CACNG3: variants seen among roughly 807,000 people sequenced by gnomAD.
The protein encoded by CACNG3 is voltage-dependent calcium channel gamma-3 subunit.
In CACNG3, 3 loss-of-function variants were observed where a neutral mutation model predicts 28.5. The observed-to-expected ratio is 0.11, with a 90% confidence interval of 0.05 to 0.27. The LOEUF is 0.27. Among genes scored for constraint, CACNG3 ranks in the 10% least tolerant of loss-of-function variants. The pLI is 1.00. For missense variants in CACNG3, 236 were observed against 414.4 expected (o/e 0.57, Z 3.74); for synonymous variants, 174 against 162.2 (o/e 1.07, Z -0.55).
intron 3 of CACNG3, 47 bp downstream of exon 3, chr16:24,355,020 A>G (rs768694170): frequency 1.3e-6 from 2 of 1,581,582 alleles, no homozygotes; most frequent in Admixed American, 3.4e-5. Context: ...TACCAAACTG[A>G]AGCCAGGGCC....
At chr16:24,318,575 A>G (rs1305862850) in intron 1 of CACNG3, among the ~76,000 whole-genome samples, 2 of 152,170 alleles carry the variant, frequency 1.3e-5, no homozygotes, top group African/African-American at 2.4e-5. Context: ...CTTCCAGCCA[A>G]AACAAGCTAC....
intron 1 of CACNG3, among the ~76,000 whole-genome samples, chr16:24,257,951 A>C (rs1401879859): frequency 2.6e-5 from 4 of 152,232 alleles, no homozygotes; most frequent in African/African-American, 9.6e-5. Flanking sequence ...AAAGATAAGG[A>C]AGAAAATCAA....
intron 1 of CACNG3, among the ~76,000 whole-genome samples, chr16:24,272,648 A>G (rs963228851): frequency 3.3e-5 from 5 of 152,184 alleles, no homozygotes; most frequent in Non-Finnish European, 7.3e-5. Flanking sequence ...AAGACATTTA[A>G]TCATGCACGT....
chr16:24,353,390 C>T (rs1199430346), intron 2 of CACNG3, among the ~76,000 whole-genome samples: 1 of 152,210 alleles, frequency 6.6e-6, no homozygotes, highest in African/African-American at 2.4e-5. Flanking sequence ...CTTGGTAAAC[C>T]AATGAGCACA....
At chr16:24,324,758 T>C (rs1899517521) in intron 1 of CACNG3, among the ~76,000 whole-genome samples, 1 of 152,188 alleles carries the variant, frequency 6.6e-6, no homozygotes, top group African/African-American at 2.4e-5. Context: ...CTTCTCCCTC[T>C]ACTCTGCTGT....
At chr16:24,353,862 G>T (rs1370690431) in intron 2 of CACNG3, among the ~76,000 whole-genome samples, 1 of 152,182 alleles carries the variant, frequency 6.6e-6, no homozygotes, top group East Asian at 1.9e-4. Flanking sequence ...TACAGGGCTG[G>T]CTGCGTCATT....
intron 1 of CACNG3, among the ~76,000 whole-genome samples, chr16:24,295,079 C>G (rs1899014240): frequency 6.6e-6 from 1 of 152,128 alleles, no homozygotes; most frequent in South Asian, 2.1e-4. Context: ...TCAGGAGGGT[C>G]CCTCAGAGAC....
chr16:24,266,067 A>G (rs1290565022), intron 1 of CACNG3, among the ~76,000 whole-genome samples: 1 of 152,178 alleles, frequency 6.6e-6, no homozygotes, highest in Non-Finnish European at 1.5e-5. Context: ...TCTTTCCCAG[A>G]GAATTCTCAC....
At chr16:24,278,691 A>T (rs553384303) in intron 1 of CACNG3, among the ~76,000 whole-genome samples, 1 of 152,296 alleles carries the variant, frequency 6.6e-6, no homozygotes, top group South Asian at 2.1e-4. Flanking sequence ...ATGCTAAATA[A>T]CTTACACGAT....
At chr16:24,330,819 G>A (rs1265765786) in intron 1 of CACNG3, among the ~76,000 whole-genome samples, 1 of 152,172 alleles carries the variant, frequency 6.6e-6, no homozygotes, top group Non-Finnish European at 1.5e-5. Context: ...TTGAATGCCT[G>A]CCAAGGTAGG....
In CACNG3 at chr16:24,327,455, TACAC is replaced by T. The variant is rs751581514; in HGVS notation, c.212-19259_212-19256del. Among the ~76,000 whole-genome samples the T allele has an allele frequency of 3.2e-3, 291 of 91,376 alleles. 2 individuals carry two copies. The highest frequency in any genetic ancestry group is 0.021 in the East Asian group (51 of 2,410). The allele number at this position is 91,376 out of a possible 152,430, so 59.9% of individuals were successfully genotyped here. ...GTGTGTGTGTATATATATATATATATACACACACACACACACACACACATATACT... is the reference window on the plus strand; with the variant it reads ...GTGTGTGTGTATATATATATATATATACACACACACACACACACATATACT... On this transcript the variant is annotated intron_variant, in intron 1 of 3. Transcript: ENST00000005284.
chr16:24,351,359 G>A (rs2141381969), intron 2 of CACNG3, among the ~76,000 whole-genome samples: 1 of 152,074 alleles, frequency 6.6e-6, no homozygotes, highest in Non-Finnish European at 1.5e-5. Flanking sequence ...ATCACCTGAG[G>A]TCAGGAGTTC....
At chr16:24,356,337 A>C (rs965796314) in intron 3 of CACNG3, among the ~76,000 whole-genome samples, 1 of 152,150 alleles carries the variant, frequency 6.6e-6, no homozygotes, top group Non-Finnish European at 1.5e-5. Flanking sequence ...GGATCCACCA[A>C]TCAGGCCTTG....
chr16:24,354,515 G>T (rs1245655536), intron 2 of CACNG3, among the ~76,000 whole-genome samples: 2 of 152,190 alleles, frequency 1.3e-5, no homozygotes, highest in African/African-American at 4.8e-5. Flanking sequence ...AGGAGGTAGA[G>T]AGTGGAGTTC....
At chr16:24,349,639 T>TTA (rs956284214) in intron 2 of CACNG3, among the ~76,000 whole-genome samples, 61 of 152,312 alleles carry the variant, frequency 4.0e-4, no homozygotes, top group African/African-American at 1.3e-3. Context: ...TGCTAATGTA[T>TTA]TATAATTAGC....
At chr16:24,282,891 TCTCA>T (rs2141351989) in intron 1 of CACNG3, among the ~76,000 whole-genome samples, 1 of 152,160 alleles carries the variant, frequency 6.6e-6, no homozygotes, top group South Asian at 2.1e-4. Context: ...TTGGACAGAG[TCTCA>T]CTCTGTCTCC....
rs2141386900 is a variant in CACNG3, at chr16:24,361,569, A to G, written c.654A>G (p.Lys218=). 2 of 1,613,958 alleles carry G rather than the reference A, an allele frequency of 1.2e-6. No individual in the cohort carries two copies. The highest frequency in any genetic ancestry group is 4.5e-5 in the East Asian group (2 of 44,872). ...RAKSHSEFLK[K]STFARLPPYR... is the part of the protein sequence containing the mutation. Reference sequence around the variant, plus strand: ...AATCCCACTCGGAGTTCCTGAAGAAATCTACTTTTGCCCGCCTCCCACCCT... The same window carrying G: ...AATCCCACTCGGAGTTCCTGAAGAAGTCTACTTTTGCCCGCCTCCCACCCT... Residue 218 remains lysine, a synonymous_variant, in exon 4 of 4, where the codon AAA becomes AAG. Transcript: ENST00000005284. The surrounding 1 kb of genome is among the most constrained non-coding windows in gnomAD (Gnocchi z 6.8).
intron 1 of CACNG3, among the ~76,000 whole-genome samples, chr16:24,282,820 T>G (rs1183077597): frequency 8.6e-5 from 13 of 151,990 alleles, no homozygotes; most frequent in Non-Finnish European, 1.9e-4. Context: ...TATTTCTATT[T>G]CTGAGATTCT....
intron 1 of CACNG3, among the ~76,000 whole-genome samples, chr16:24,287,405 C>T (rs1462764017): frequency 1.3e-5 from 2 of 149,990 alleles, no homozygotes; most frequent in African/African-American, 4.9e-5. Context: ...GTAGTCACAG[C>T]TAATCAGGAG....
Sources: gnomAD v4.1 joint callset for allele counts (sites outside exome capture counted in the v4.1 genomes callset) on GRCh38, gnomAD v4.1.1 for gene constraint, Gnocchi (gnomAD v3.1) non-coding constraint, MANE v1.5 for transcripts, NCBI Gene and HGNC (gene_info 2026-07-23, HGNC 2026-07-21) for gene names.